The following PDRG1 variants were observed in gnomAD, a reference collection of about 807,000 sequenced individuals.
The protein encoded by PDRG1 is p53 and DNA damage-regulated protein 1.
In PDRG1, 14 loss-of-function variants were observed where a neutral mutation model predicts 18.4. The observed-to-expected ratio is 0.76, with a 90% confidence interval of 0.50 to 1.19. PDRG1 has a LOEUF of 1.19. Among genes scored for constraint, PDRG1 ranks in the 50% most tolerant of loss-of-function variants. The pLI is 0.00. For missense variants in PDRG1, 177 were observed against 160.1 expected, an observed-to-expected ratio of 1.11 and a Z score of -0.57; for synonymous variants, 65 against 60.9, an observed-to-expected ratio of 1.07 and a Z score of -0.31.
chr20:31,946,596 A>C lies in PDRG1; in HGVS notation c.239-20T>G. ...CTTGATCTGAAAAAATGAGGGGGGC[A>C]AGCAGAGGATAAGATTGTACCAGAC... On this transcript the variant is annotated intron_variant, in intron 3 of 4. Coordinates refer to ENST00000202017, the MANE Select transcript of PDRG1 (RefSeq NM_030815.3). 2 of 1,585,458 alleles carry C rather than the reference A, an allele frequency of 1.3e-6. No individual in the cohort carries two copies. Among genetic ancestry groups the C allele is most frequent in the South Asian group, 1.1e-5 (1 of 90,430 alleles).
intron 3 of PDRG1, among the ~76,000 whole-genome samples, 170 bp downstream of exon 3, chr20:31,948,638 G>A (rs1162160684): frequency 6.6e-6 from 1 of 152,192 alleles, no homozygotes; most frequent in Admixed American, 6.5e-5. Context: ...TCTTAGAGAT[G>A]AGGAAATAAC....
rs1225800254 is a variant in PDRG1, at chr20:31,945,240, AG to A, written c.*566del. On this transcript the variant is annotated 3_prime_UTR_variant, in exon 5 of 5. Transcript: ENST00000202017. Reference sequence around the variant, plus strand: ...GCAGCACCTACTCTTGGAATCAAGCAGGGAAAAAGTGCAAAATTGGAGCTGG... The same window carrying A: ...GCAGCACCTACTCTTGGAATCAAGCAGGAAAAAGTGCAAAATTGGAGCTGG... The A allele has an allele frequency of 6.5e-6, 1 of 152,920 alleles. No individual in the cohort carries two copies. Among genetic ancestry groups the A allele is most frequent in the East Asian group, 1.9e-4 (1 of 5,190 alleles). 9.5% of individuals were successfully genotyped at this position (152,920 alleles called of 1,614,324 possible). A position where few individuals can be genotyped will look rare whatever the true frequency, so the allele number is the denominator to read the frequency against.
chr20:31,951,930 C>G lies in PDRG1; in HGVS notation c.32G>C (p.Arg11Pro), dbSNP rs755286962. Residue 11 changes from arginine to proline, a missense_variant, in exon 1 of 5, where the codon CGG (arginine) becomes CCG (proline). Physicochemically the swap from Arg to Pro is moderately radical, Grantham distance 103 (BLOSUM62 -2). Transcript: ENST00000202017. ...GAGCTCCTCCACTTCTACAAGGTAC[C>G]GCAGCACTCGCTCTGCCTCGGGTGA... Reference protein sequence around the residue: MLSPEAERVLRYLVEVEELAE... With the variant: MLSPEAERVLPYLVEVEELAE... 2.5e-6 allele frequency: 4 copies of G among 1,591,270 alleles called. No individual in the cohort carries two copies. Among genetic ancestry groups the G allele is most frequent in the Middle Eastern group, 1.7e-4 (1 of 6,038 alleles).
chr20:31,948,226 C>T (rs1233705895), intron 3 of PDRG1, among the ~76,000 whole-genome samples: 1 of 152,234 alleles, frequency 6.6e-6, no homozygotes, highest in African/African-American at 2.4e-5. Context: ...GGCTCTCTTG[C>T]AGCTATGGGT....
intron 1 of PDRG1, among the ~76,000 whole-genome samples, chr20:31,951,514 C>G (rs1422402446): frequency 6.6e-6 from 1 of 152,174 alleles, no homozygotes; most frequent in Non-Finnish European, 1.5e-5. Context: ...CACCCCTGCC[C>G]GGTCACAAGG....
At chr20:31,951,839 GCCGC>G in intron 1 of PDRG1, 32 bp downstream of exon 1, 1 of 1,528,414 alleles carries the variant, frequency 6.5e-7, no homozygotes, top group Admixed American at 2.3e-5. Context: ...CACGGCGCCG[GCCGC>G]CAGGCCCCAG....
intron 4 of PDRG1, among the ~76,000 whole-genome samples, 153 bp from the exon 5 acceptor site, chr20:31,946,042 C>A (rs2064314729): frequency 6.6e-6 from 1 of 152,194 alleles, no homozygotes; most frequent in Admixed American, 6.5e-5. Flanking sequence ...CCAGATGAGG[C>A]ATCACCACTG....
chr20:31,946,797 C>T (rs143483240), intron 3 of PDRG1, among the ~76,000 whole-genome samples: 368 of 152,368 alleles, frequency 2.4e-3, no homozygotes, highest in African/African-American at 8.7e-3. Context: ...TCCCATTACA[C>T]TGGCCTTTTC....
Position 31,944,941 on chromosome 20 carries a change from TAA to T in PDRG1, c.*864_*865del, listed in dbSNP as rs893882026. The T allele has an allele frequency of 6.6e-6, 1 of 152,182 alleles. No homozygotes were observed. Among genetic ancestry groups the T allele is most frequent in the Non-Finnish European group, 1.5e-5 (1 of 68,052 alleles). 9.4% of individuals were successfully genotyped at this position (152,182 alleles called of 1,614,324 possible). A position where few individuals can be genotyped will look rare whatever the true frequency, so the allele number is the denominator to read the frequency against. On this transcript the variant is annotated 3_prime_UTR_variant, in exon 5 of 5. Transcript: ENST00000202017. ...TTACTGAAGGACTAGATGAGGCAAA[TAA>T]AGACTAGTTGCTGCTATTCATTCAT...
intron 3 of PDRG1, among the ~76,000 whole-genome samples, chr20:31,947,086 C>T (rs2064324238): frequency 6.6e-6 from 1 of 152,198 alleles, no homozygotes; most frequent in South Asian, 2.1e-4. Context: ...CTTAATTAGC[C>T]ACTGTGAACA....
chr20:31,946,717 G>C, intron 3 of PDRG1, 141 bp from the exon 4 acceptor site: 1 of 718,326 alleles, frequency 1.4e-6, no homozygotes, highest in Non-Finnish European at 2.4e-6. Flanking sequence ...AACTGAGGAA[G>C]GATTAAAGTC....
rs527570770 is a variant in PDRG1, at chr20:31,944,969, T to A, written c.*838A>T. The stretch of plus-strand genomic sequence containing the variant: ...AGACTAGTTGCTGCTATTCATTCAT[T>A]CAGCTAACATTTATTGAGCCCTTAA... On this transcript the variant is annotated 3_prime_UTR_variant, in exon 5 of 5. Coordinates refer to ENST00000202017, the MANE Select transcript of PDRG1 (RefSeq NM_030815.3). 1 of 152,344 alleles carries A rather than the reference T, an allele frequency of 6.6e-6. No homozygotes were observed. The highest frequency in any genetic ancestry group is 2.1e-4 in the South Asian group (1 of 4,826). 9.4% of individuals were successfully genotyped at this position (152,344 alleles called of 1,614,324 possible). A position where few individuals can be genotyped will look rare whatever the true frequency, so the allele number is the denominator to read the frequency against.
At position 31,945,848 on chromosome 20, in the gene PDRG1, G is replaced by A. The variant is rs772012403; in HGVS notation, c.361C>T (p.Gln121Ter). Residue 121 changes from glutamine to a stop codon, truncating the protein, a stop_gained, in exon 5 of 5, where the codon CAG (glutamine) becomes TAG (stop). Coordinates refer to ENST00000202017, the MANE Select transcript of PDRG1 (RefSeq NM_030815.3). LOFTEE classifies it high-confidence loss of function. ...LKGFNLNPLN[Q>*]DELKALKVIL... ...ACCTTGAGAGCTTTAAGCTCATCCT[G>A]GTTGAGGGGGTTCAAGTTAAAACCC... is the stretch of plus-strand genomic sequence containing the variant. The A allele has an allele frequency of 5.6e-6, 9 of 1,613,804 alleles. No individual in the cohort carries two copies. The highest frequency in any genetic ancestry group is 1.7e-5 in the Admixed American group (1 of 59,988).
chr20:31,951,902 G>C lies in PDRG1; in HGVS notation c.60C>G (p.Ala20=), dbSNP rs775524168. 3.1e-6 allele frequency: 5 copies of C among 1,590,088 alleles called. No homozygotes were observed. In the Admixed American group the frequency reaches 7.0e-5, roughly 22 times the overall value. ...GCCGCTTGTCCGCCAGCACCTCCTC[G>C]GCGAGCTCCTCCACTTCTACAAGGT... is the stretch of plus-strand genomic sequence containing the variant. ...LRYLVEVEEL[A]EEVLADKRQI... is the part of the protein sequence containing the mutation. Residue 20 remains alanine (A), a synonymous_variant, in exon 1 of 5, where the codon GCC becomes GCG. Transcript: ENST00000202017.
At chr20:31,951,799 G>A (rs997512649) in intron 1 of PDRG1, 76 bp downstream of exon 1, 34 of 1,461,870 alleles carry the variant, frequency 2.3e-5, no homozygotes, top group Non-Finnish European at 2.9e-5. Flanking sequence ...GCCTGTCCAG[G>A]TCAACTCACT....
At chr20:31,947,418 C>T (rs138758059) in intron 3 of PDRG1, among the ~76,000 whole-genome samples, 65 of 152,294 alleles carry the variant, frequency 4.3e-4, no homozygotes, top group African/African-American at 7.0e-4. Context: ...AGTGACAAGA[C>T]GACATTTGGG....
chr20:31,947,470 C>T (rs2064326179), intron 3 of PDRG1, among the ~76,000 whole-genome samples: 1 of 152,192 alleles, frequency 6.6e-6, no homozygotes, highest in African/African-American at 2.4e-5. Context: ...GGCAAGGGAC[C>T]CTCTGAAAGC....
chr20:31,951,859 C>G lies in PDRG1; in HGVS notation c.87+16G>C. On this transcript the variant is annotated intron_variant, in intron 1 of 4. Coordinates refer to ENST00000202017, the MANE Select transcript of PDRG1 (RefSeq NM_030815.3). The stretch of plus-strand genomic sequence containing the variant: ...CGCCGGCCGCCAGGCCCCAGCGCCG[C>G]GGAGGGGCCTCTCACCTGCCGCTTG... The G allele has an allele frequency of 6.4e-7, 1 of 1,560,836 alleles. No individual in the cohort carries two copies. Among genetic ancestry groups the G allele is most frequent in the Non-Finnish European group, 8.6e-7 (1 of 1,156,116 alleles).
chr20:31,945,847 T>C lies in PDRG1; in HGVS notation c.362A>G (p.Gln121Arg). 2 of 1,614,030 alleles carry C rather than the reference T, an allele frequency of 1.2e-6. No individual in the cohort carries two copies. Among genetic ancestry groups the C allele is most frequent in the Non-Finnish European group, 1.7e-6 (2 of 1,179,992 alleles). The change falls in exon 5 of 5, where the codon CAG becomes CGG. Residue 121 changes from glutamine (Q) to arginine (R), a missense_variant. Physicochemically the swap from Gln to Arg is conservative, Grantham distance 43. Coordinates refer to ENST00000202017, the MANE Select transcript of PDRG1 (RefSeq NM_030815.3). ...LKGFNLNPLN[Q>R]DELKALKVIL... Reference sequence around the variant, plus strand: ...GACCTTGAGAGCTTTAAGCTCATCCTGGTTGAGGGGGTTCAAGTTAAAACC... The same window carrying C: ...GACCTTGAGAGCTTTAAGCTCATCCCGGTTGAGGGGGTTCAAGTTAAAACC...
Sources: gnomAD v4.1 joint callset for allele counts (sites outside exome capture counted in the v4.1 genomes callset) on GRCh38, gnomAD v4.1.1 for gene constraint, MANE v1.5 for transcripts, NCBI Gene and HGNC (gene_info 2026-07-23, HGNC 2026-07-21) for gene names.